Variants in IQCE observed in about 807,000 individuals in gnomAD.
The protein encoded by IQCE is IQ domain-containing protein E.
IQCE carries 115 observed loss-of-function variants against 96.0 expected under a neutral mutation model. The observed-to-expected ratio is 1.20, with a 90% CI of 1.03 to 1.40. The LOEUF is 1.40. IQCE is among the 40% of genes most tolerant of loss of function. The probability of loss-of-function intolerance (pLI) is 0.00; values close to 1 mark genes in which losing one functional copy is unlikely to be tolerated. For missense variants in IQCE, 1,041 were observed against 909.1 expected (o/e 1.15, Z -1.87); for synonymous variants, 412 against 371.2 (o/e 1.11, Z -1.26).
At chr7:2,580,804 A>G (rs990917715) in intron 8 of IQCE, among the ~76,000 whole-genome samples, 2 of 152,208 alleles carry the variant, frequency 1.3e-5, no homozygotes, top group Admixed American at 6.5e-5. Flanking sequence ...GACTCCCTGA[A>G]TGCACACACA....
intron 5 of IQCE, 126 bp from the exon 6 acceptor site, chr7:2,573,292 G>C: frequency 1.6e-6 from 1 of 612,062 alleles, no homozygotes; most frequent in Non-Finnish European, 2.9e-6. Flanking sequence ...GAATTATTTT[G>C]GCTTTTTTAT....
intron 17 of IQCE, 106 bp downstream of exon 17, chr7:2,598,738 C>CA: frequency 9.8e-7 from 1 of 1,022,480 alleles, no homozygotes; most frequent in Non-Finnish European, 1.3e-6. Flanking sequence ...CAGCCAGGCC[C>CA]CAGGTGTCTG....
chr7:2,606,559 C>T (rs1166657762), intron 20 of IQCE, among the ~76,000 whole-genome samples: 1 of 152,140 alleles, frequency 6.6e-6, no homozygotes, highest in Non-Finnish European at 1.5e-5. Flanking sequence ...TCTGCTTCAC[C>T]CCGCATGGGG....
Position 2,571,609 on chromosome 7 carries a change from G to C in IQCE, c.214G>C (p.Ala72Pro), listed in dbSNP as rs1277706240. 2 of 1,601,598 alleles carry C rather than the reference G, an allele frequency of 1.2e-6. No homozygotes were observed. The highest frequency in any genetic ancestry group is 1.7e-6 in the Non-Finnish European group (2 of 1,179,964). The change falls in exon 4 of 22, where the codon GCG becomes CCG. Residue 72 changes from alanine to proline, a missense_variant. Transcript: ENST00000402050. The stretch of plus-strand genomic sequence containing the variant: ...AGGGAGCATGCCTCTGGGCGGCCGA[G>C]CGTCCCTGACCCCGCAGAAGCTGTG... ...TAGSMPLGGR[A>P]SLTPQKLWLG... is the part of the protein sequence containing the mutation.
chr7:2,606,867 T>TA (rs1465060390), intron 20 of IQCE, among the ~76,000 whole-genome samples: 2 of 152,130 alleles, frequency 1.3e-5, no homozygotes, highest in Non-Finnish European at 2.9e-5. Context: ...GGCCAGCTTA[T>TA]AAAACCATGC....
intron 1 of IQCE, among the ~76,000 whole-genome samples, chr7:2,563,502 C>G (rs1189796584): frequency 6.6e-6 from 1 of 151,856 alleles, no homozygotes; most frequent in East Asian, 1.9e-4. Flanking sequence ...GCCACCACGC[C>G]CGGCCCTGCT....
In IQCE at chr7:2,584,226, G is replaced by T. The variant is rs758461226; in HGVS notation, c.775-10G>T. 1.9e-6 allele frequency: 3 copies of T among 1,612,904 alleles called. No individual in the cohort carries two copies. The South Asian group carries it at 3.3e-5, about 18-fold the overall frequency. ...TTGTGTTTTCATGCATTTCAATTTG[G>T]TATTTACAGGTGCATCGTCTCCAGA... On this transcript the variant is annotated splice_polypyrimidine_tract_variant and intron_variant, in intron 10 of 21. Transcript: ENST00000402050.
At chr7:2,566,131 A>G (rs925569702) in intron 1 of IQCE, among the ~76,000 whole-genome samples, 5 of 152,194 alleles carry the variant, frequency 3.3e-5, no homozygotes, top group African/African-American at 9.6e-5. Flanking sequence ...CTGTAGAACT[A>G]TTGGCTCATA....
At chr7:2,584,514 C>G in intron 11 of IQCE, 1 of 540,356 alleles carries the variant, frequency 1.9e-6, no homozygotes, top group South Asian at 2.3e-5. Context: ...TGTTCAATGC[C>G]GCCCGTGTTC....
intron 21 of IQCE, among the ~76,000 whole-genome samples, chr7:2,608,547 G>C (rs1401132418): frequency 6.6e-6 from 1 of 152,204 alleles, no homozygotes; most frequent in Non-Finnish European, 1.5e-5. Context: ...GAGCAGCCTG[G>C]GGTTTCGGGG....
rs1562609479 is a variant in IQCE, at chr7:2,559,218, G to A, written c.36+1G>A. On this transcript the variant is annotated splice_donor_variant, in intron 1 of 21. Coordinates refer to ENST00000402050, the MANE Select transcript of IQCE (RefSeq NM_152558.5). LOFTEE classifies it high-confidence loss of function. ...CACCGGGGAGCCGGCCTTGGACACG[G>A]TAAGAACGGGCGAGGGGGCGACGCC... 7 of 1,213,136 alleles carry A rather than the reference G, an allele frequency of 5.8e-6. No homozygotes were observed. The highest frequency in any genetic ancestry group is 5.1e-6 in the Non-Finnish European group (5 of 975,158). The allele number at this position is 1,213,136 out of a possible 1,614,324, so 75.1% of individuals were successfully genotyped here. A position where few individuals can be genotyped will look rare whatever the true frequency, so the allele number is the denominator to read the frequency against.
chr7:2,607,678 C>CA, intron 21 of IQCE: 1 of 336,890 alleles, frequency 3.0e-6, no homozygotes, highest in East Asian at 8.9e-5. Context: ...GATGCCCCAG[C>CA]AGGCCCTGCC....
Position 2,607,038 on chromosome 7 carries a change from A to G in IQCE, c.1866-86A>G, listed in dbSNP as rs930438007. 2.3e-6 allele frequency: 3 copies of G among 1,281,300 alleles called. 1 individual carries two copies. The highest frequency in any genetic ancestry group is 2.5e-5 in the East Asian group (1 of 39,386). The allele number at this position is 1,281,300 out of a possible 1,614,324, so 79.4% of individuals were successfully genotyped here. ...GCTTTCATTGGAATACTTGCCTCCA[A>G]GCAAATTACTGAGGCTGCTGTAAAC... is the stretch of plus-strand genomic sequence containing the variant. On this transcript the variant is annotated intron_variant, in intron 20 of 21. Coordinates refer to ENST00000402050, the MANE Select transcript of IQCE (RefSeq NM_152558.5).
At chr7:2,568,908 A>C in intron 2 of IQCE, 46 bp from the exon 3 acceptor site, 1 of 1,570,250 alleles carries the variant, frequency 6.4e-7, no homozygotes, top group Non-Finnish European at 8.7e-7. Context: ...GTGATGCACC[A>C]CTGTGGGAGC....
chr7:2,585,023 G>A (rs577633687), intron 11 of IQCE, among the ~76,000 whole-genome samples: 1 of 151,548 alleles, frequency 6.6e-6, no homozygotes, highest in Non-Finnish European at 1.5e-5. Context: ...GAGGTACAGG[G>A]CTCCTGCGAG....
At chr7:2,588,045 G>A (rs971765993) in intron 13 of IQCE, among the ~76,000 whole-genome samples, 168 bp downstream of exon 13, 4 of 152,252 alleles carry the variant, frequency 2.6e-5, no homozygotes, top group African/African-American at 9.6e-5. Context: ...CAACGCTGAA[G>A]GCAGCTCTCA....
At chr7:2,607,959 G>A (rs1784949882) in intron 21 of IQCE, among the ~76,000 whole-genome samples, 1 of 152,178 alleles carries the variant, frequency 6.6e-6, no homozygotes. Flanking sequence ...GTTTCACGTG[G>A]GAAGTGTCAG....
chr7:2,574,048 C>G (rs1225574901), intron 6 of IQCE, among the ~76,000 whole-genome samples: 1 of 152,208 alleles, frequency 6.6e-6, no homozygotes, highest in Non-Finnish European at 1.5e-5. Flanking sequence ...CTGTACTTCC[C>G]CATGGCCCCT....
chr7:2,572,357 C>G (rs1781818218), intron 5 of IQCE, 31 bp downstream of exon 5: 2 of 1,606,000 alleles, frequency 1.2e-6, no homozygotes, highest in Non-Finnish European at 1.7e-6. Context: ...GAGGCTGAGG[C>G]CAAGGAAGAG....
Sources: gnomAD v4.1 joint callset for allele counts (sites outside exome capture counted in the v4.1 genomes callset) on GRCh38, gnomAD v4.1.1 for gene constraint, MANE v1.5 for transcripts, NCBI Gene and HGNC (gene_info 2026-07-23, HGNC 2026-07-21) for gene names.